The following ARHGAP31 variants were observed in gnomAD, a reference collection of about 807,000 sequenced individuals.
ARHGAP31 encodes Rho GTPase activating protein 31.
ARHGAP31 carries 34 observed loss-of-function variants against 113.9 expected under a neutral mutation model. The ratio of observed to expected loss-of-function variants is 0.30; its 90% CI spans 0.23 to 0.40. The LOEUF (loss-of-function observed/expected upper bound fraction) is 0.40. Ranked by LOEUF, ARHGAP31 falls within the 10% of genes least tolerant of loss-of-function variation. The probability of loss-of-function intolerance (pLI) is 1.00; values close to 1 mark genes in which losing one functional copy is unlikely to be tolerated. For missense variants in ARHGAP31, 1,548 were observed against 1,767.1 expected (o/e 0.88, Z 2.22); for synonymous variants, 650 against 684.8 (o/e 0.95, Z 0.79).
Position 119,378,434 on chromosome 3 carries a change from C to T in ARHGAP31, c.349-2470C>T, listed in dbSNP as rs571257518. ...CAGGCCTCCAGGGATGAGCCTGCCC[C>T]GCCTCTTGGAGAACAAAGATGACTA... On this transcript the variant is annotated intron_variant, in intron 3 of 11. Coordinates refer to ENST00000264245, the MANE Select transcript of ARHGAP31 (RefSeq NM_020754.4). Among the ~76,000 whole-genome samples the T allele has an allele frequency of 1.1e-3, 172 of 152,218 alleles. 1 individual carries two copies. The South Asian group carries it at 0.022, about 20-fold the overall frequency.
chr3:119,415,217 G>A lies in ARHGAP31; in HGVS notation c.3288G>A (p.Gly1096=). The change falls in exon 12 of 12, where the codon GGG becomes GGA. Residue 1096 remains glycine, a synonymous_variant. Coordinates refer to ENST00000264245, the MANE Select transcript of ARHGAP31 (RefSeq NM_020754.4). ...TACAGCTAAAGAGCACAGAGTGTGG[G>A]CCCCCAAAAGGGAAAAACAGGCCTT... The part of the protein sequence containing the change: ...AKLQLKSTEC[G]PPKGKNRPSS... 2 of 1,614,146 alleles carry A rather than the reference G, an allele frequency of 1.2e-6. No homozygotes were observed. Among genetic ancestry groups the A allele is most frequent in the South Asian group, 1.1e-5 (1 of 91,076 alleles).
intron 10 of ARHGAP31, among the ~76,000 whole-genome samples, chr3:119,409,146 C>T (rs59346852): frequency 6.6e-6 from 1 of 151,952 alleles, no homozygotes; most frequent in African/African-American, 2.4e-5. Context: ...CTAACCACTA[C>T]ATGCCAGTAG....
intron 1 of ARHGAP31, chr3:119,329,971 T>C (rs1033241184): frequency 3.0e-6 from 3 of 985,332 alleles, no homozygotes; most frequent in Non-Finnish European, 3.6e-6. Context: ...AGAGAATGAG[T>C]CTGTGTCTAT....
chr3:119,317,334 A>G (rs921260138), intron 1 of ARHGAP31, among the ~76,000 whole-genome samples: 1 of 151,834 alleles, frequency 6.6e-6, no homozygotes, highest in Non-Finnish European at 1.5e-5. Flanking sequence ...GCCCACCACC[A>G]TGTCCGGCTA....
At chr3:119,309,172 T>A (rs549709753) in intron 1 of ARHGAP31, among the ~76,000 whole-genome samples, 35 of 152,268 alleles carry the variant, frequency 2.3e-4, no homozygotes, top group African/African-American at 8.4e-4. Flanking sequence ...CTGTTAGAAA[T>A]ACTCCCTAAA....
Position 119,383,204 on chromosome 3 carries a change from A to C in ARHGAP31, c.660A>C (p.Ala220=). The C allele has an allele frequency of 1.9e-6, 3 of 1,614,148 alleles. No homozygotes were observed. Among genetic ancestry groups the C allele is most frequent in the Non-Finnish European group, 2.5e-6 (3 of 1,180,020 alleles). ...TAGATCAAATCTTTAACAACGGTGC[A>C]CCTGGGTCTCTGGAGAATGATGGTA... is the stretch of plus-strand genomic sequence containing the variant. ...NHVDQIFNNG[A]PGSLENDENR... The change falls in exon 6 of 12, where the codon GCA becomes GCC. Residue 220 remains alanine, a synonymous_variant. Transcript: ENST00000264245.
Position 119,415,431 on chromosome 3 carries a change from G to T in ARHGAP31, c.3502G>T (p.Val1168Phe), listed in dbSNP as rs765132653. 5 of 1,613,946 alleles carry T rather than the reference G, an allele frequency of 3.1e-6. No homozygotes were observed. The highest frequency in any genetic ancestry group is 4.2e-6 in the Non-Finnish European group (5 of 1,180,050). The change falls in exon 12 of 12, where the codon GTT becomes TTT. Residue 1168 changes from valine to phenylalanine, a missense_variant. By Grantham distance (50) the Val-to-Phe change is conservative. Coordinates refer to ENST00000264245, the MANE Select transcript of ARHGAP31 (RefSeq NM_020754.4). ...CCAGGACCCCCAGGACCTGGACATT[G>T]TTGCTCATGCACTGACAGGCCGCCG... Reference protein sequence around the residue: ...YSQDPQDLDIVAHALTGRRNS... With the variant: ...YSQDPQDLDIFAHALTGRRNS...
At chr3:119,330,366 A>G (rs188849138) in intron 1 of ARHGAP31, among the ~76,000 whole-genome samples, 1 of 152,318 alleles carries the variant, frequency 6.6e-6, no homozygotes, top group East Asian at 1.9e-4. Flanking sequence ...CTTGTATTCC[A>G]TACCAACAGC....
chr3:119,351,259 A>G (rs1335954905), intron 1 of ARHGAP31, among the ~76,000 whole-genome samples: 4 of 152,204 alleles, frequency 2.6e-5, no homozygotes, highest in Admixed American at 2.6e-4. Flanking sequence ...ATGTTTCTTA[A>G]TTTGTTATCT....
chr3:119,308,879 C>T (rs1289673520), intron 1 of ARHGAP31, among the ~76,000 whole-genome samples: 4 of 152,104 alleles, frequency 2.6e-5, no homozygotes, highest in African/African-American at 4.8e-5. Context: ...CTCACTTTAT[C>T]ACCCAGGCTG....
At chr3:119,322,385 C>G (rs2079796472) in intron 1 of ARHGAP31, among the ~76,000 whole-genome samples, 1 of 152,222 alleles carries the variant, frequency 6.6e-6, no homozygotes, top group South Asian at 2.1e-4. Flanking sequence ...AATTGCTGCT[C>G]TGTTTTTAGA....
chr3:119,394,714 G>T (rs1447431241), intron 8 of ARHGAP31, among the ~76,000 whole-genome samples: 2 of 152,100 alleles, frequency 1.3e-5, no homozygotes, highest in Non-Finnish European at 2.9e-5. Context: ...CAACACTTTG[G>T]GAAGCTGAGG....
In ARHGAP31 at chr3:119,390,976, GACA is replaced by G. The variant is rs1421009819; in HGVS notation, c.879_881del (p.Asn293del). On this transcript the variant is annotated inframe_deletion, in exon 7 of 12. Coordinates refer to ENST00000264245, the MANE Select transcript of ARHGAP31 (RefSeq NM_020754.4). Reference sequence around the variant, plus strand: ...CTTCCACACTGTCCTTGAGTTACCAGACAACAAGTAAGTGGCACTCTTTTAAAA... The same window carrying G: ...CTTCCACACTGTCCTTGAGTTACCAGACAAGTAAGTGGCACTCTTTTAAAA... The G allele has an allele frequency of 1.2e-6, 2 of 1,614,034 alleles. No individual in the cohort carries two copies. The highest frequency in any genetic ancestry group is 1.7e-6 in the Non-Finnish European group (2 of 1,180,022).
At chr3:119,295,140 C>CT (rs10707359) in intron 1 of ARHGAP31, 136 bp downstream of exon 1, 13,875 of 594,554 alleles carry the variant, frequency 0.023, 3 homozygotes, top group East Asian at 0.03. Context: ...ACTTTTTTTT[C>CT]TTTTTTTTTT....
intron 11 of ARHGAP31, 48 bp from the exon 12 acceptor site, chr3:119,413,808 A>AC (rs2080740650): frequency 6.2e-7 from 1 of 1,613,896 alleles, no homozygotes; most frequent in African/African-American, 1.3e-5. Context: ...TGATGTCAGC[A>AC]CCCAGAGTAC....
intron 6 of ARHGAP31, among the ~76,000 whole-genome samples, chr3:119,387,045 G>C (rs998093323): frequency 6.6e-6 from 1 of 151,088 alleles, no homozygotes; most frequent in African/African-American, 2.4e-5. Flanking sequence ...GAGCCTGACT[G>C]ATGTCAGGCC....
chr3:119,385,981 C>A (rs148778953), intron 6 of ARHGAP31, among the ~76,000 whole-genome samples: 10 of 152,290 alleles, frequency 6.6e-5, no homozygotes, highest in African/African-American at 2.4e-4. Context: ...CTGAAAATGC[C>A]TTTTCTCTTT....
In ARHGAP31 at chr3:119,415,984, C is replaced by T. The variant is rs2080772928; in HGVS notation, c.4055C>T (p.Pro1352Leu). The T allele has an allele frequency of 6.2e-7, 1 of 1,614,054 alleles. No individual in the cohort carries two copies. Among genetic ancestry groups the T allele is most frequent in the African/African-American group, 1.3e-5 (1 of 74,916 alleles). Reference sequence around the variant, plus strand: ...CCTCAGAGCCTAATCTTATTCAGTCCTCCTTTCCCCATTATGGACCACCTG... The same window carrying T: ...CCTCAGAGCCTAATCTTATTCAGTCTTCCTTTCCCCATTATGGACCACCTG... ...GRPQSLILFS[P>L]PFPIMDHLPP... The change falls in exon 12 of 12, where the codon CCT (proline) becomes CTT (leucine). Residue 1352 changes from proline (P) to leucine (L), a missense_variant. Coordinates refer to ENST00000264245, the MANE Select transcript of ARHGAP31 (RefSeq NM_020754.4).
chr3:119,346,402 C>A (rs967959747), intron 1 of ARHGAP31, among the ~76,000 whole-genome samples: 1 of 152,228 alleles, frequency 6.6e-6, no homozygotes, highest in African/African-American at 2.4e-5. Flanking sequence ...TCCCCTCTCT[C>A]CAGAAAGATA....
Sources: gnomAD v4.1 joint callset for allele counts (sites outside exome capture counted in the v4.1 genomes callset) on GRCh38, gnomAD v4.1.1 for gene constraint, MANE v1.5 for transcripts, NCBI Gene and HGNC (gene_info 2026-07-23, HGNC 2026-07-21) for gene names.